GALNS: variants seen among roughly 807,000 people sequenced by gnomAD.
GALNS encodes N-acetylgalactosamine-6-sulfatase.
Under a neutral mutation model 65.9 loss-of-function variants are expected in GALNS, and 65 were observed. The observed-to-expected ratio is 0.99, with a 90% CI of 0.81 to 1.21. The LOEUF (loss-of-function observed/expected upper bound fraction) is 1.21, where lower values mean the gene tolerates loss of function less well. Among genes scored for constraint, GALNS ranks in the 50% most tolerant of loss-of-function variants. The pLI, the probability that GALNS is intolerant of heterozygous loss-of-function variation, is 0.00. For missense variants in GALNS, 776 were observed against 700.7 expected, an observed-to-expected ratio of 1.11 and a Z score of -1.21; for synonymous variants, 346 against 288.9, an observed-to-expected ratio of 1.20 and a Z score of -2.00.
chr16:88,855,647 C>T lies in GALNS; in HGVS notation c.120+1111G>A, dbSNP rs943572442. On this transcript the variant is annotated intron_variant, in intron 1 of 13. Coordinates refer to ENST00000268695, the MANE Select transcript of GALNS (RefSeq NM_000512.5). ...TCAAGTATATCTTTATGTTAAAAAA[C>T]CATTAATTTAATAAAATTGTTAAGT... 1.5e-5 allele frequency: 9 copies of T among 602,530 alleles called. No individual in the cohort carries two copies. In the South Asian group the frequency reaches 1.8e-4, roughly 12 times the overall value. 37.3% of individuals were successfully genotyped at this position (602,530 alleles called of 1,614,324 possible).
At chr16:88,837,426 C>T (rs1237458348) in intron 5 of GALNS, among the ~76,000 whole-genome samples, 196 bp downstream of exon 5, 5 of 152,192 alleles carry the variant, frequency 3.3e-5, no homozygotes, top group Non-Finnish European at 7.3e-5. Context: ...AAACCCCAGG[C>T]AGGAGTCTCA....
chr16:88,837,303 G>A (rs769061671), intron 5 of GALNS, among the ~76,000 whole-genome samples: 9 of 152,094 alleles, frequency 5.9e-5, no homozygotes, highest in Admixed American at 2.0e-4. Flanking sequence ...CTCCCCACCC[G>A]TAGACCACAT....
chr16:88,856,127 GGCTGTGACCCCTGACCCC>G lies in GALNS; in HGVS notation c.120+613_120+630del, dbSNP rs1317142544. 12 of 700,856 alleles carry G rather than the reference GGCTGTGACCCCTGACCCC, an allele frequency of 1.7e-5. No individual in the cohort carries two copies. The Admixed American group carries it at 2.0e-4, about 12-fold the overall frequency. The allele number at this position is 700,856 out of a possible 1,614,324, so 43.4% of individuals were successfully genotyped here. On this transcript the variant is annotated intron_variant, in intron 1 of 13. Coordinates refer to ENST00000268695, the MANE Select transcript of GALNS (RefSeq NM_000512.5). ...AGTTAGGGAAGGAGGCCTCCAGGCT[GGCTGTGACCCCTGACCCC>G]GCACTTGCCCACCAGGAGACATTCC...
At chr16:88,835,600 G>C (rs1912036953) in intron 7 of GALNS, 125 bp downstream of exon 7, 1 of 1,465,478 alleles carries the variant, frequency 6.8e-7, no homozygotes, top group African/African-American at 1.4e-5. Flanking sequence ...CGGCTTCAAA[G>C]GGGTGGGGTT....
intron 10 of GALNS, among the ~76,000 whole-genome samples, chr16:88,825,547 C>T (rs1485049718): frequency 1.3e-5 from 1 of 75,998 alleles, no homozygotes; most frequent in Non-Finnish European, 3.3e-5. Flanking sequence ...GGCTGGGGTG[C>T]CTGGGTGTCC....
intron 1 of GALNS, chr16:88,855,972 G>A (rs989445520): frequency 3.1e-5 from 18 of 587,652 alleles, no homozygotes; most frequent in Non-Finnish European, 4.9e-5. Context: ...TGGCAGCTGA[G>A]GTTCAAGAAT....
intron 2 of GALNS, 61 bp from the exon 3 acceptor site, chr16:88,842,032 T>C (rs1966999603): frequency 6.9e-7 from 1 of 1,454,492 alleles, no homozygotes; most frequent in Non-Finnish European, 9.5e-7. Flanking sequence ...ACCCCGGGCG[T>C]CAACAAGAGC....
intron 1 of GALNS, chr16:88,856,375 C>T: frequency 1.4e-6 from 1 of 701,660 alleles, no homozygotes; most frequent in Non-Finnish European, 2.6e-6. Flanking sequence ...ACGCTGCGCG[C>T]CCACCTTTCC....
Position 88,846,476 on chromosome 16 carries a change from C to T in GALNS, c.121-3647G>A, listed in dbSNP as rs78632855. ...TGCCCACACCTTGAGCTCAGACTTC[C>T]GGCCTCCAGACCGAGACAGAATGCG... On this transcript the variant is annotated intron_variant, in intron 1 of 13. Transcript: ENST00000268695. Among the ~76,000 whole-genome samples the T allele has an allele frequency of 3.5e-3, 534 of 150,524 alleles. 2 individuals are homozygous for T. Among genetic ancestry groups the T allele is most frequent in the African/African-American group, 0.012 (499 of 40,990 alleles).
chr16:88,815,456 C>T (rs1382318122), intron 13 of GALNS: 1 of 985,372 alleles, frequency 1.0e-6, no homozygotes, highest in Admixed American at 6.1e-5. Context: ...AGCCCGCACC[C>T]CTCCATCGCC....
At chr16:88,817,862 G>C (rs1391144855) in intron 13 of GALNS, 145 bp downstream of exon 13, 1 of 772,960 alleles carries the variant, frequency 1.3e-6, no homozygotes. Context: ...CGCCGCGTGT[G>C]CTCTGAGGCA....
At position 88,835,848 on chromosome 16, in the gene GALNS, TC is replaced by T; in HGVS notation, c.634del (p.Glu212LysfsTer107). On this transcript the variant is annotated frameshift_variant and splice_region_variant, in exon 7 of 14. Transcript: ENST00000268695. LOFTEE classifies it high-confidence loss of function. ...CTGTCTCTTAATGAAGTCCAGGGCT[TC>T]CTATGGAGAGAGCCACACCGTCGTC... ...EANLTQIYLQEALDFIKRQAR... is the reference protein window; with the variant it reads ...EANLTQIYLQXALDFIKRQAR... 1 of 1,614,040 alleles carries T rather than the reference TC, an allele frequency of 6.2e-7. No individual in the cohort carries two copies. Among genetic ancestry groups the T allele is most frequent in the Non-Finnish European group, 8.5e-7 (1 of 1,180,012 alleles).
rs1597584901 is a variant in GALNS at position 88,843,258 on chromosome 16, T to C, written c.121-429A>G. ...GTCTGTACACGTCTAGATTTCAAAGTCAACTGGTAACTGTCCCCCAGAAGC... is the reference window on the plus strand; with the variant it reads ...GTCTGTACACGTCTAGATTTCAAAGCCAACTGGTAACTGTCCCCCAGAAGC... On this transcript the variant is annotated intron_variant, in intron 1 of 13. Transcript: ENST00000268695. 5 of 1,262,294 alleles carry C rather than the reference T, an allele frequency of 4.0e-6. No homozygotes were observed. The East Asian group carries it at 2.8e-4, about 71-fold the overall frequency. 78.2% of individuals were successfully genotyped at this position (1,262,294 alleles called of 1,614,324 possible). A position where few individuals can be genotyped will look rare whatever the true frequency, so the allele number is the denominator to read the frequency against.
At chr16:88,847,671 C>T (rs955077174) in intron 1 of GALNS, among the ~76,000 whole-genome samples, 7 of 152,242 alleles carry the variant, frequency 4.6e-5, no homozygotes, top group African/African-American at 1.7e-4. Context: ...GGACTAGAGT[C>T]TGATCGCTGA....
chr16:88,835,712 A>G lies in GALNS; in HGVS notation c.758+13T>C, dbSNP rs776515480. ...CTCCAGCGAGGTCTATGCTCCATGG[A>G]GCCAGGACTCACCGCCCTCGCTGAC... On this transcript the variant is annotated intron_variant, in intron 7 of 13. Coordinates refer to ENST00000268695, the MANE Select transcript of GALNS (RefSeq NM_000512.5). 2 of 1,613,832 alleles carry G rather than the reference A, an allele frequency of 1.2e-6. No individual in the cohort carries two copies. The highest frequency in any genetic ancestry group is 1.7e-6 in the Non-Finnish European group (2 of 1,179,984).
rs564610248 is a variant in GALNS at position 88,837,915 on chromosome 16, A to G, written c.423-150T>C. The G allele has an allele frequency of 3.4e-5, 26 of 772,420 alleles. 1 individual carries two copies. The South Asian group carries it at 3.4e-4, about 10-fold the overall frequency. 47.8% of individuals were successfully genotyped at this position (772,420 alleles called of 1,614,324 possible). On this transcript the variant is annotated intron_variant, in intron 4 of 13. Transcript: ENST00000268695. ...GGCTATGCCTGGGCACGGCAGGGAC[A>G]AAAGACCAAGGCCTCACCCGAGGAG...
At chr16:88,848,584 AAAGG>A (rs1183754470) in intron 1 of GALNS, among the ~76,000 whole-genome samples, 1 of 151,628 alleles carries the variant, frequency 6.6e-6, no homozygotes, top group African/African-American at 2.4e-5. Flanking sequence ...AAAAAAAAAA[AAAGG>A]AAGTGCGGGC....
chr16:88,814,203 G>A lies in GALNS; in HGVS notation c.*236C>T, dbSNP rs189375208. ...ACGGCAGGGTCCTGAGGTCTGAGGC[G>A]CCGTGGGCGAGGAGGAGGGTCCTGA... On this transcript the variant is annotated 3_prime_UTR_variant, in exon 14 of 14. Coordinates refer to ENST00000268695, the MANE Select transcript of GALNS (RefSeq NM_000512.5). 4,631 of 601,032 alleles carry A rather than the reference G, an allele frequency of 7.7e-3. 41 individuals are homozygous for A. The highest frequency in any genetic ancestry group is 9.5e-3 in the Non-Finnish European group (3,204 of 337,302). The allele number at this position is 601,032 out of a possible 1,614,324, so 37.2% of individuals were successfully genotyped here.
At chr16:88,855,996 A>T (rs1180344440) in intron 1 of GALNS, 4 of 595,062 alleles carry the variant, frequency 6.7e-6, no homozygotes, top group Non-Finnish European at 1.2e-5. Flanking sequence ...AGTGACCCCC[A>T]AGCTTGGAGA....
Sources: allele counts gnomAD v4.1 joint callset (sites outside exome capture counted in the v4.1 genomes callset), GRCh38; gene constraint gnomAD v4.1.1; transcripts MANE v1.5; gene names NCBI Gene and HGNC (gene_info 2026-07-23, HGNC 2026-07-21).